The following SASS6 variants were observed in gnomAD, a reference collection of about 807,000 sequenced individuals.
The protein encoded by SASS6 is spindle assembly abnormal protein 6 homolog.
In SASS6, 59 loss-of-function variants were observed where a neutral mutation model predicts 94.9. That is an observed-to-expected ratio of 0.62 (90% CI 0.50 to 0.77). The LOEUF (loss-of-function observed/expected upper bound fraction) is 0.77. Ranked by LOEUF, SASS6 falls within the 30% of genes least tolerant of loss-of-function variation. The pLI, the probability that SASS6 is intolerant of heterozygous loss-of-function variation, is 0.00. For synonymous variants in SASS6, 264 were observed against 270.0 expected (o/e 0.98, Z 0.22); for missense variants, 698 against 734.1 (o/e 0.95, Z 0.57).
intron 7 of SASS6, among the ~76,000 whole-genome samples, chr1:100,112,426 C>G (rs950477357): frequency 1.3e-5 from 2 of 151,974 alleles, no homozygotes; most frequent in African/African-American, 4.8e-5. Flanking sequence ...AGAAAAAAAG[C>G]TTCTACAAAG....
intron 8 of SASS6, among the ~76,000 whole-genome samples, chr1:100,109,462 T>C (rs1019343609): frequency 1.3e-5 from 2 of 152,066 alleles, no homozygotes; most frequent in East Asian, 1.9e-4. Context: ...TGTGGCACTA[T>C]AGCAAGATTT....
chr1:100,119,719 T>C (rs1654035117), intron 6 of SASS6, among the ~76,000 whole-genome samples: 2 of 152,182 alleles, frequency 1.3e-5, no homozygotes, highest in South Asian at 4.1e-4. Flanking sequence ...AAGCATGTGG[T>C]ACCTCCTTCC....
Position 100,132,760 on chromosome 1 carries a change from A to C in SASS6, c.55T>G (p.Cys19Gly), listed in dbSNP as rs1655179797. The C allele has an allele frequency of 6.2e-7, 1 of 1,613,718 alleles. No individual in the cohort carries two copies. The highest frequency in any genetic ancestry group is 1.7e-5 in the Admixed American group (1 of 60,004). Residue 19 changes from cysteine to glycine, a missense_variant, in exon 1 of 17, where the codon TGT becomes GGT. Transcript: ENST00000287482. ...TGACGCGGACCTTACCTCTCCTCAC[A>C]GTCTTTGCATTTCACCTGCAACGGG... ...LVPLQVKCKD[C>G]EERRVSIRMS...
intron 13 of SASS6, among the ~76,000 whole-genome samples, chr1:100,104,629 T>C (rs80059701): frequency 0.032 from 4,856 of 151,822 alleles, 285 homozygotes; most frequent in African/African-American, 0.11. Context: ...CCAACTGAAT[T>C]ATGTATTTTT....
Position 100,085,539 on chromosome 1 carries a change from A to G in SASS6, c.1864T>C (p.Ser622Pro), listed in dbSNP as rs1197165092. The change falls in exon 16 of 17, where the codon TCA becomes CCA. Residue 622 changes from serine (S) to proline (P), a missense_variant. Transcript: ENST00000287482. ...AAATCCAGAAATCCCTGCTTACCTG[A>G]ATTACTAAATAGGTTCTGGCTGAGT... ...RGLSQNLFSN[S>P]DHQRDGTLGA... 6.2e-7 allele frequency: 1 copy of G among 1,608,604 alleles called. No homozygotes were observed.
intron 7 of SASS6, among the ~76,000 whole-genome samples, chr1:100,116,699 T>C (rs1200453451): frequency 6.6e-6 from 1 of 151,886 alleles, no homozygotes; most frequent in Non-Finnish European, 1.5e-5. Flanking sequence ...CAATAGAAAA[T>C]AGGTGAATTT....
At chr1:100,098,620 G>A (rs1652257813) in intron 14 of SASS6, among the ~76,000 whole-genome samples, 2 of 151,154 alleles carry the variant, frequency 1.3e-5, no homozygotes, top group African/African-American at 2.4e-5. Flanking sequence ...CCAGGCCACC[G>A]AGATGTATGC....
At chr1:100,116,630 T>A (rs915847864) in intron 7 of SASS6, among the ~76,000 whole-genome samples, 4 of 151,870 alleles carry the variant, frequency 2.6e-5, no homozygotes, top group African/African-American at 7.3e-5. Context: ...CAGAAACAAC[T>A]CAAATGCCTA....
At chr1:100,129,299 A>C (rs773796198) in intron 1 of SASS6, among the ~76,000 whole-genome samples, 4 of 152,060 alleles carry the variant, frequency 2.6e-5, no homozygotes, top group South Asian at 2.1e-4. Flanking sequence ...AACAAAAAAA[A>C]CCATGGTCTC....
In SASS6 at chr1:100,110,312, T is replaced by C; in HGVS notation, c.841A>G (p.Lys281Glu). Residue 281 changes from lysine to glutamate, a missense_variant, in exon 8 of 17, where the codon AAA becomes GAA. Coordinates refer to ENST00000287482, the MANE Select transcript of SASS6 (RefSeq NM_194292.3). ...GDSTIRELKAKLSGVEEELQR... is the reference protein window; with the variant it reads ...GDSTIRELKAELSGVEEELQR... ...AATACCTCTTCAACACCAGAAAGTT[T>C]TGCTTTAAGTTCTCTAATAGTGGAG... 1.3e-6 allele frequency: 2 copies of C among 1,569,514 alleles called. No individual in the cohort carries two copies. The highest frequency in any genetic ancestry group is 1.7e-6 in the Non-Finnish European group (2 of 1,163,858).
chr1:100,113,407 G>C (rs1352188539), intron 7 of SASS6, among the ~76,000 whole-genome samples: 3 of 151,994 alleles, frequency 2.0e-5, no homozygotes, highest in African/African-American at 4.8e-5. Context: ...AGGAGATCGA[G>C]ACCATCCTGG....
chr1:100,127,155 A>G (rs1654676541), intron 1 of SASS6, among the ~76,000 whole-genome samples: 1 of 152,228 alleles, frequency 6.6e-6, no homozygotes, highest in Non-Finnish European at 1.5e-5. Context: ...AGAAATTAGT[A>G]AAAAATACCT....
rs755941957 is a variant in SASS6 at position 100,121,570 on chromosome 1, A to C, written c.312-21T>G. The C allele has an allele frequency of 6.4e-6, 9 of 1,397,618 alleles. No individual in the cohort carries two copies. The South Asian group carries it at 1.1e-4, about 17-fold the overall frequency. The allele number at this position is 1,397,618 out of a possible 1,614,324, so 86.6% of individuals were successfully genotyped here. ...AAAACCTTTGAAAAGAAAATGTTAC[A>C]TTATAACACACTTAAGAGATAGTGA... On this transcript the variant is annotated intron_variant, in intron 4 of 16. Transcript: ENST00000287482.
chr1:100,085,474 A>C (rs1185059726), intron 16 of SASS6, 40 bp from the exon 17 acceptor site: 1 of 1,557,908 alleles, frequency 6.4e-7, no homozygotes, highest in African/African-American at 1.4e-5. Context: ...GTATTCATTA[A>C]GTCTTCATAC....
chr1:100,126,236 T>C (rs111248043), intron 1 of SASS6, among the ~76,000 whole-genome samples: 54 of 152,332 alleles, frequency 3.5e-4, no homozygotes, highest in African/African-American at 1.2e-3. Flanking sequence ...GCCTGATATA[T>C]GACTTTGCGG....
intron 2 of SASS6, among the ~76,000 whole-genome samples, chr1:100,124,512 AT>A (rs1654425963): frequency 6.6e-6 from 1 of 152,116 alleles, no homozygotes; most frequent in Non-Finnish European, 1.5e-5. Context: ...TCTCAAGTAG[AT>A]GGAACTACAG....
intron 12 of SASS6, 102 bp downstream of exon 12, chr1:100,106,804 AGATCAT>A: frequency 3.3e-6 from 2 of 612,490 alleles, no homozygotes; most frequent in Non-Finnish European, 5.9e-6. Flanking sequence ...CAGTGAGCTG[AGATCAT>A]GCCACTGCAC....
At chr1:100,106,297 G>A (rs1652900686) in intron 12 of SASS6, among the ~76,000 whole-genome samples, 1 of 151,258 alleles carries the variant, frequency 6.6e-6, no homozygotes, top group Non-Finnish European at 1.5e-5. Context: ...GTTATTATTA[G>A]GTAAACACAG....
chr1:100,086,241 GAATA>G (rs1400005425), intron 15 of SASS6, among the ~76,000 whole-genome samples: 13 of 152,050 alleles, frequency 8.5e-5, no homozygotes, highest in African/African-American at 3.1e-4. Flanking sequence ...AAAACAATGA[GAATA>G]AATCAATCCT....
Sources: gnomAD v4.1 joint callset for allele counts (sites outside exome capture counted in the v4.1 genomes callset) on GRCh38, gnomAD v4.1.1 for gene constraint, MANE v1.5 for transcripts, NCBI Gene and HGNC (gene_info 2026-07-23, HGNC 2026-07-21) for gene names.